MACROD2: variants seen among roughly 807,000 people sequenced by gnomAD.
MACROD2 encodes mono-ADP ribosylhydrolase 2, also known as ADP-ribose glycohydrolase MACROD2.
A neutral mutation model predicts 70.4 loss-of-function variants in MACROD2; 36 were observed. The ratio of observed to expected loss-of-function variants is 0.51; its 90% CI spans 0.39 to 0.68. The LOEUF is 0.68. Ranked by LOEUF, MACROD2 falls within the 30% of genes least tolerant of loss-of-function variation. MACROD2 has a pLI of 0.00. For missense variants in MACROD2, 496 were observed against 538.4 expected, an observed-to-expected ratio of 0.92 and a Z score of 0.78; for synonymous variants, 172 against 178.8, an observed-to-expected ratio of 0.96 and a Z score of 0.30.
At chr20:15,909,195 G>A (rs923397368) in intron 10 of MACROD2, among the ~76,000 whole-genome samples, 5 of 152,166 alleles carry the variant, frequency 3.3e-5, no homozygotes, top group African/African-American at 1.2e-4. Context: ...TCTCTAGCTT[G>A]ATGAAGTCTC....
rs754437924 is a variant in MACROD2 at position 15,691,455 on chromosome 20, G to A, written c.646-171290G>A. Among the ~76,000 whole-genome samples, 17 of 152,242 alleles carry A rather than the reference G, an allele frequency of 1.1e-4. No homozygotes were observed. The South Asian group carries it at 1.9e-3, about 17-fold the overall frequency. On this transcript the variant is annotated intron_variant, in intron 8 of 17. Coordinates refer to ENST00000684519, the MANE Select transcript of MACROD2 (RefSeq NM_001351661.2). ...GCTACATCTATGTAGAAAATAAAGC[G>A]CTGCCCTTCTGGGACCTGTATCCTT...
chr20:15,599,722 C>T (rs1327185885), intron 8 of MACROD2, among the ~76,000 whole-genome samples: 4 of 152,158 alleles, frequency 2.6e-5, no homozygotes, highest in African/African-American at 7.2e-5. Flanking sequence ...AAATTTTTTG[C>T]TGTTGGTATT....
chr20:14,576,337 T>G (rs2007435968), intron 4 of MACROD2, among the ~76,000 whole-genome samples: 1 of 152,176 alleles, frequency 6.6e-6, no homozygotes, highest in African/African-American at 2.4e-5. Context: ...TGAGATGGCA[T>G]GAACCACAAA....
chr20:14,174,667 G>C (rs1297736632), intron 3 of MACROD2, among the ~76,000 whole-genome samples: 2 of 152,174 alleles, frequency 1.3e-5, no homozygotes. Flanking sequence ...CTATACACGT[G>C]ATTTGCCCCC....
intron 8 of MACROD2, among the ~76,000 whole-genome samples, chr20:15,713,114 A>G (rs2050652785): frequency 6.6e-6 from 1 of 152,230 alleles, no homozygotes; most frequent in Non-Finnish European, 1.5e-5. Flanking sequence ...AGAGAAGAAG[A>G]AAGCCACAGA....
intron 6 of MACROD2, among the ~76,000 whole-genome samples, chr20:15,239,844 C>T (rs1163993959): frequency 2.0e-5 from 3 of 152,208 alleles, no homozygotes; most frequent in Non-Finnish European, 4.4e-5. Context: ...TGTTTGAATG[C>T]TCTCTTTACC....
intron 3 of MACROD2, among the ~76,000 whole-genome samples, chr20:14,096,032 C>T (rs534443544): frequency 6.6e-6 from 1 of 152,210 alleles, no homozygotes; most frequent in South Asian, 2.1e-4. Flanking sequence ...GTATGTAGGA[C>T]AGAACGTATT....
chr20:15,636,416 G>A (rs779940231), intron 8 of MACROD2, among the ~76,000 whole-genome samples: 3 of 152,172 alleles, frequency 2.0e-5, no homozygotes, highest in Non-Finnish European at 4.4e-5. Flanking sequence ...TCTAGTCTCA[G>A]AAGACAATGT....
intron 15 of MACROD2, among the ~76,000 whole-genome samples, chr20:15,995,649 C>CTTTTTTGTTTTTTTTT (rs2066619097): frequency 1.2e-5 from 1 of 85,508 alleles, no homozygotes; most frequent in Non-Finnish European, 2.3e-5. Context: ...TATGCCCGGC[C>CTTTTTTGTTTTTTTTT]TTTTTTTTTT....
chr20:15,655,840 TC>T (rs1454857273), intron 8 of MACROD2, among the ~76,000 whole-genome samples: 2 of 152,184 alleles, frequency 1.3e-5, no homozygotes, highest in African/African-American at 4.8e-5. Flanking sequence ...ATGGTGTATA[TC>T]TTATGTAAAT....
intron 7 of MACROD2, among the ~76,000 whole-genome samples, chr20:15,492,190 G>A (rs2047240036): frequency 1.3e-5 from 2 of 152,166 alleles, no homozygotes; most frequent in Non-Finnish European, 1.5e-5. Flanking sequence ...GTGCTTAACG[G>A]TGAGGCTCCT....
At chr20:14,408,378 GA>G (rs751800723) in intron 3 of MACROD2, among the ~76,000 whole-genome samples, 1 of 152,162 alleles carries the variant, frequency 6.6e-6, no homozygotes, top group African/African-American at 2.4e-5. Context: ...CTAACAGAAT[GA>G]AAGCACTTCA....
intron 3 of MACROD2, among the ~76,000 whole-genome samples, chr20:14,385,010 A>G (rs1030295435): frequency 2.0e-5 from 3 of 152,132 alleles, no homozygotes; most frequent in Non-Finnish European, 2.9e-5. Context: ...GCTCTGTTCA[A>G]AGGTGCCAAA....
intron 8 of MACROD2, among the ~76,000 whole-genome samples, chr20:15,620,148 G>C (rs2049104542): frequency 6.6e-6 from 1 of 152,184 alleles, no homozygotes; most frequent in Non-Finnish European, 1.5e-5. Flanking sequence ...GGAGATGGGG[G>C]ACAAGGCAGG....
intron 4 of MACROD2, among the ~76,000 whole-genome samples, chr20:14,613,008 T>C (rs1983265293): frequency 6.6e-6 from 1 of 152,124 alleles, no homozygotes; most frequent in Non-Finnish European, 1.5e-5. Context: ...TCTGAGTTCT[T>C]CAGTATTCCT....
At chr20:14,151,769 C>T (rs908652604) in intron 3 of MACROD2, among the ~76,000 whole-genome samples, 7 of 141,778 alleles carry the variant, frequency 4.9e-5, no homozygotes, top group Non-Finnish European at 9.2e-5. Flanking sequence ...TTTAGGATCA[C>T]TTTGATAATT....
intron 3 of MACROD2, among the ~76,000 whole-genome samples, chr20:14,466,767 C>T (rs1406844904): frequency 1.3e-5 from 2 of 152,110 alleles, no homozygotes; most frequent in Non-Finnish European, 2.9e-5. Flanking sequence ...GGACCCTCAG[C>T]TGCAGGTCTG....
chr20:15,039,441 G>T (rs1367359306), intron 5 of MACROD2, among the ~76,000 whole-genome samples: 1 of 152,162 alleles, frequency 6.6e-6, no homozygotes, highest in Non-Finnish European at 1.5e-5. Flanking sequence ...ACACCTTGGT[G>T]GAGAAAGGGA....
At chr20:15,662,915 T>C (rs2049841919) in intron 8 of MACROD2, among the ~76,000 whole-genome samples, 3 of 152,214 alleles carry the variant, frequency 2.0e-5, no homozygotes, top group Admixed American at 2.0e-4. Flanking sequence ...TCTTTTGTTC[T>C]TGTAATTCTT....
Sources: gnomAD v4.1 joint callset for allele counts (sites outside exome capture counted in the v4.1 genomes callset) on GRCh38, gnomAD v4.1.1 for gene constraint, MANE v1.5 for transcripts, NCBI Gene and HGNC (gene_info 2026-07-23, HGNC 2026-07-21) for gene names.